The following STARD9 variants were observed in gnomAD, a reference collection of about 807,000 sequenced individuals.
STARD9 encodes the protein StAR related lipid transfer domain containing 9.
STARD9 carries 346 observed loss-of-function variants against 399.8 expected under a neutral mutation model. The observed-to-expected ratio is 0.87, with a 90% confidence interval of 0.79 to 0.95. STARD9 has a LOEUF of 0.95. STARD9 is among the 40% of genes least tolerant of loss of function. STARD9 has a pLI of 0.00. For synonymous variants in STARD9, 2,203 were observed against 2,143.5 expected, an observed-to-expected ratio of 1.03 and a Z score of -0.77; for missense variants, 5,832 against 5,667.5, an observed-to-expected ratio of 1.03 and a Z score of -0.93.
chr15:42,718,739 C>T lies in STARD9; in HGVS notation c.13843-13C>T. On this transcript the variant is annotated splice_polypyrimidine_tract_variant and intron_variant, in intron 31 of 32. Transcript: ENST00000290607. The stretch of plus-strand genomic sequence containing the variant: ...ACTACACAGGCAGGACTCCCATTTC[C>T]CTCTGTCCCCAGGGTCACCTGTCTG... The T allele has an allele frequency of 6.5e-7, 1 of 1,537,004 alleles. No homozygotes were observed. Among genetic ancestry groups the T allele is most frequent in the Non-Finnish European group, 8.7e-7 (1 of 1,146,724 alleles).
In STARD9 at chr15:42,691,477, C is replaced by G. The variant is rs1391638881; in HGVS notation, c.9899C>G (p.Pro3300Arg). ...HLYTGREQPA[P>R]NHRGSLPVTT... ...TACACTGGCAGAGAGCAGCCAGCAC[C>G]CAACCACAGGGGCTCACTTCCTGTG... Residue 3300 changes from proline (P) to arginine (R), a missense_variant, in exon 23 of 33, where the codon CCC becomes CGC. This residue lies in a region of STARD9 where 5,828 missense variants were observed against 5,651.1 expected (regional missense o/e 1.03). Transcript: ENST00000290607. 5 of 1,537,110 alleles carry G rather than the reference C, an allele frequency of 3.3e-6. No individual in the cohort carries two copies. In the African/African-American group the frequency reaches 6.8e-5, roughly 21 times the overall value.
intron 16 of STARD9, among the ~76,000 whole-genome samples, chr15:42,673,757 G>A (rs1414314187): frequency 6.6e-6 from 1 of 152,048 alleles, no homozygotes; most frequent in African/African-American, 2.4e-5. Flanking sequence ...TAGCTATGTG[G>A]GTCTTAAGCA....
intron 26 of STARD9, among the ~76,000 whole-genome samples, chr15:42,715,519 A>AT (rs2061333540): frequency 2.3e-5 from 3 of 130,506 alleles, no homozygotes; most frequent in Non-Finnish European, 4.6e-5. Context: ...TGTCTTTACA[A>AT]ATTTTTTTTT....
chr15:42,706,385 ATTT>A (rs1326855321), intron 26 of STARD9, among the ~76,000 whole-genome samples: 1 of 150,890 alleles, frequency 6.6e-6, no homozygotes. Flanking sequence ...TTTTGCATCT[ATTT>A]TTTTGGTTGA....
At chr15:42,673,606 T>A (rs1595746830) in intron 16 of STARD9, among the ~76,000 whole-genome samples, 1 of 152,166 alleles carries the variant, frequency 6.6e-6, no homozygotes, top group East Asian at 1.9e-4. Context: ...TACCTGTATT[T>A]TGAGTTGTTA....
intron 1 of STARD9, among the ~76,000 whole-genome samples, chr15:42,577,314 C>T (rs371554273): frequency 1.3e-5 from 2 of 152,216 alleles, no homozygotes; most frequent in East Asian, 3.9e-4. Flanking sequence ...CCACCATGCC[C>T]GGCTAATTTT....
intron 30 of STARD9, 120 bp from the exon 31 acceptor site, chr15:42,718,315 G>A (rs999913451): frequency 9.9e-6 from 12 of 1,215,402 alleles, no homozygotes; most frequent in Non-Finnish European, 1.4e-5. Flanking sequence ...TGATTGCTCA[G>A]CCTAGGTTGA....
chr15:42,578,582 A>G (rs2058103734), intron 1 of STARD9, among the ~76,000 whole-genome samples: 1 of 150,464 alleles, frequency 6.6e-6, no homozygotes. Flanking sequence ...CTAGAAGACT[A>G]TTTGCCCTGT....
Position 42,686,696 on chromosome 15 carries a change from G to T in STARD9, c.5118G>T (p.Lys1706Asn). The stretch of plus-strand genomic sequence containing the variant: ...AGACAGATTGCCAGGAGAGCTCTAA[G>T]GAAGCAGTTAGAAGACACATAAATG... The part of the protein sequence containing the change: ...EEKTDCQESS[K>N]EAVRRHINVS... Residue 1706 changes from lysine to asparagine, a missense_variant, in exon 23 of 33, where the codon AAG becomes AAT. Lys to Asn is a moderately conservative substitution (Grantham distance 94, BLOSUM62 0). This residue lies in a region of STARD9 where 5,828 missense variants were observed against 5,651.1 expected (regional missense o/e 1.03). Transcript: ENST00000290607. 1 of 1,537,748 alleles carries T rather than the reference G, an allele frequency of 6.5e-7. No individual in the cohort carries two copies. The highest frequency in any genetic ancestry group is 1.4e-5 in the African/African-American group (1 of 73,168).
intron 3 of STARD9, 78 bp downstream of exon 3, chr15:42,585,715 C>A: frequency 1.0e-6 from 1 of 963,606 alleles, no homozygotes; most frequent in Non-Finnish European, 1.6e-6. Flanking sequence ...TATAAAGATA[C>A]TTTGCAAGGT....
chr15:42,580,532 A>G (rs2058145110), intron 1 of STARD9, among the ~76,000 whole-genome samples: 1 of 152,132 alleles, frequency 6.6e-6, no homozygotes, highest in Non-Finnish European at 1.5e-5. Flanking sequence ...AAAAAAAACA[A>G]CTAGAAGGCG....
chr15:42,691,387 C>T lies in STARD9; in HGVS notation c.9809C>T (p.Pro3270Leu), dbSNP rs1171832471. The T allele has an allele frequency of 6.5e-7, 1 of 1,537,224 alleles. No individual in the cohort carries two copies. Among genetic ancestry groups the T allele is most frequent in the East Asian group, 2.4e-5 (1 of 40,912 alleles). Reference sequence around the variant, plus strand: ...ATTTTATCACAGGGCTTCAAAGACCCAGCCACTGTGTCCTTGAGGCAAAAT... The same window carrying T: ...ATTTTATCACAGGGCTTCAAAGACCTAGCCACTGTGTCCTTGAGGCAAAAT... Reference protein sequence around the residue: ...SKILSQGFKDPATVSLRQNET... With the variant: ...SKILSQGFKDLATVSLRQNET... The change falls in exon 23 of 33, where the codon CCA (proline) becomes CTA (leucine). Residue 3270 changes from proline to leucine, a missense_variant. Transcript: ENST00000290607.
At chr15:42,578,756 A>G (rs2058108011) in intron 1 of STARD9, among the ~76,000 whole-genome samples, 2 of 152,212 alleles carry the variant, frequency 1.3e-5, no homozygotes, top group Non-Finnish European at 2.9e-5. Context: ...GACTCAAAGC[A>G]TCCCCAAAAC....
In STARD9 at chr15:42,720,008, C is replaced by T. The variant is rs545849247; in HGVS notation, c.*434C>T. The T allele has an allele frequency of 1.2e-3, 193 of 161,460 alleles. 6 individuals carry two copies. The South Asian group carries it at 0.035, about 30-fold the overall frequency. The allele number at this position is 161,460 out of a possible 1,614,324, so 10.0% of individuals were successfully genotyped here. A position where few individuals can be genotyped will look rare whatever the true frequency, so the allele number is the denominator to read the frequency against. On this transcript the variant is annotated 3_prime_UTR_variant, in exon 33 of 33. Transcript: ENST00000290607. ...TGGCCAAGACTCTGTTCTGAATCTACCTCCTCTAGCATTCAGCTCTACTGT... is the reference window on the plus strand; with the variant it reads ...TGGCCAAGACTCTGTTCTGAATCTATCTCCTCTAGCATTCAGCTCTACTGT...
chr15:42,583,662 G>A (rs1405029405), intron 2 of STARD9, among the ~76,000 whole-genome samples: 2 of 152,094 alleles, frequency 1.3e-5, no homozygotes, highest in Non-Finnish European at 2.9e-5. Context: ...GAAATTAGTT[G>A]GTAGATGTTT....
intron 22 of STARD9, 84 bp downstream of exon 22, chr15:42,682,659 C>T: frequency 9.7e-7 from 1 of 1,033,324 alleles, no homozygotes. Flanking sequence ...TTTCCCCATG[C>T]CTCATTTCCT....
At chr15:42,703,010 G>T (rs1312922632) in intron 26 of STARD9, among the ~76,000 whole-genome samples, 1 of 152,112 alleles carries the variant, frequency 6.6e-6, no homozygotes, top group Non-Finnish European at 1.5e-5. Flanking sequence ...GCCCAGGCTG[G>T]TCTTGAACTT....
chr15:42,657,457 T>C (rs1209166675), intron 9 of STARD9, among the ~76,000 whole-genome samples: 1 of 151,924 alleles, frequency 6.6e-6, no homozygotes, highest in Non-Finnish European at 1.5e-5. Context: ...ACAACATTTA[T>C]AAATGTATGC....
rs556892873 is a variant in STARD9, at chr15:42,692,867, G to T, written c.11289G>T (p.Gly3763=). 1.0e-5 allele frequency: 16 copies of T among 1,537,250 alleles called. No individual in the cohort carries two copies. In the South Asian group the frequency reaches 1.4e-4, roughly 14 times the overall value. ...AGGGAGCCAATGTGATCCTTGAAGG[G>T]CTAGGCTCAGATACCTCGACTGTGT... ...EPQGANVILE[G]LGSDTSTVSQ... Residue 3763 remains glycine, a synonymous_variant, in exon 23 of 33, where the codon GGG becomes GGT. Transcript: ENST00000290607.
Sources: allele counts gnomAD v4.1 joint callset (sites outside exome capture counted in the v4.1 genomes callset), GRCh38; gene constraint gnomAD v4.1.1; regional missense constraint gnomAD v4.1.1; transcripts MANE v1.5; gene names NCBI Gene and HGNC (gene_info 2026-07-23, HGNC 2026-07-21).